Variants in TTLL9 observed in about 807,000 individuals in gnomAD.
The protein encoded by TTLL9 is tubulin tyrosine ligase like 9, also known as probable tubulin polyglutamylase TTLL9.
In TTLL9, 47 loss-of-function variants were observed where a neutral mutation model predicts 65.6. That is an observed-to-expected ratio of 0.72 (90% CI 0.57 to 0.91). TTLL9 has a LOEUF of 0.91. TTLL9 is among the 40% of genes least tolerant of loss of function. The pLI, the probability that TTLL9 is intolerant of heterozygous loss-of-function variation, is 0.00. For synonymous variants in TTLL9, 179 were observed against 204.8 expected (o/e 0.87, Z 1.07); for missense variants, 537 against 568.8 (o/e 0.94, Z 0.57).
intron 11 of TTLL9, 22 bp downstream of exon 11, chr20:31,933,880 A>G: frequency 6.2e-7 from 1 of 1,611,146 alleles, no homozygotes; most frequent in African/African-American, 1.3e-5. Context: ...GGGCTCGGCT[A>G]TGCACGGGTA....
At chr20:31,897,909 G>A (rs918310370) in intron 3 of TTLL9, among the ~76,000 whole-genome samples, 8 of 152,124 alleles carry the variant, frequency 5.3e-5, no homozygotes, top group East Asian at 3.8e-4. Context: ...TGCTTTTGTC[G>A]AAGCTTTTGT....
rs1423904180 is a variant in TTLL9 at position 31,929,721 on chromosome 20, A to AT, written c.748+3633dup. 2.6e-5 allele frequency among the ~76,000 whole-genome samples: 4 copies of AT among 152,252 alleles called. No individual in the cohort carries two copies. In the South Asian group the frequency reaches 8.3e-4, roughly 32 times the overall value. On this transcript the variant is annotated intron_variant, in intron 10 of 14. Transcript: ENST00000535842. ...GACACATAATGCTGCAAAGGAACAT[A>AT]TTTCTTCATAAACCTTTTACAGTAT...
intron 7 of TTLL9, among the ~76,000 whole-genome samples, chr20:31,920,257 ACACACACC>A (rs2063797559): frequency 6.7e-6 from 1 of 149,230 alleles, no homozygotes; most frequent in Admixed American, 6.7e-5. Flanking sequence ...ACACATTCTC[ACACACACC>A]CACACACCCA....
rs374865513 is a variant in TTLL9 at position 31,880,215 on chromosome 20, A to T, written c.70-6981A>T. On this transcript the variant is annotated intron_variant, in intron 2 of 14. Transcript: ENST00000535842. The stretch of plus-strand genomic sequence containing the variant: ...AGCTCCGTGACCCCAGGGGAAGTTG[A>T]ACCTCAGAATTTCAGATTTCCTGAC... 1.6e-3 allele frequency among the ~76,000 whole-genome samples: 248 copies of T among 152,220 alleles called. 3 individuals are homozygous for T. Among genetic ancestry groups the T allele is most frequent in the African/African-American group, 5.8e-3 (241 of 41,528 alleles).
chr20:31,898,956 G>A (rs1238180676), intron 4 of TTLL9, among the ~76,000 whole-genome samples: 1 of 152,194 alleles, frequency 6.6e-6, no homozygotes, highest in African/African-American at 2.4e-5. Flanking sequence ...CTCTTCCCTG[G>A]CCACTTGCTA....
rs1309053602 is a variant in TTLL9 at position 31,937,409 on chromosome 20, G to T, written c.1018G>T (p.Val340Phe). 5.0e-6 allele frequency: 8 copies of T among 1,613,652 alleles called. No individual in the cohort carries two copies. Among genetic ancestry groups the T allele is most frequent in the Non-Finnish European group, 5.9e-6 (7 of 1,179,748 alleles). ...CTCCCTTCCCAGGTGGCTCCTGGAG[G>T]TCAATGCGTCCCCATCACTGACAGC... ...DQDLKPWLLE[V>F]NASPSLTASS... is the part of the protein sequence containing the mutation. The change falls in exon 13 of 15, where the codon GTC (valine) becomes TTC (phenylalanine). Residue 340 changes from valine (V) to phenylalanine (F), a missense_variant. Coordinates refer to ENST00000535842, the MANE Select transcript of TTLL9 (RefSeq NM_001008409.5).
At chr20:31,895,237 G>A (rs1315384416) in intron 3 of TTLL9, among the ~76,000 whole-genome samples, 1 of 152,228 alleles carries the variant, frequency 6.6e-6, no homozygotes, top group Non-Finnish European at 1.5e-5. Flanking sequence ...GGCGCTAGCA[G>A]TGTTTTTTAT....
At chr20:31,907,830 C>T (rs2063581477) in intron 4 of TTLL9, among the ~76,000 whole-genome samples, 1 of 152,030 alleles carries the variant, frequency 6.6e-6, no homozygotes, top group African/African-American at 2.4e-5. Flanking sequence ...CAGGGATAGA[C>T]AGGGGGCTTC....
intron 3 of TTLL9, among the ~76,000 whole-genome samples, chr20:31,895,909 G>A (rs188606888): frequency 4.6e-5 from 7 of 151,192 alleles, no homozygotes; most frequent in Admixed American, 3.3e-4. Flanking sequence ...GCACAGTCTC[G>A]GCACACTGCA....
At chr20:31,890,719 C>CTGCA (rs2063297808) in intron 3 of TTLL9, among the ~76,000 whole-genome samples, 1 of 152,336 alleles carries the variant, frequency 6.6e-6, no homozygotes, top group Non-Finnish European at 1.5e-5. Flanking sequence ...GTAGAATGCA[C>CTGCA]TGCAGACTTA....
chr20:31,933,826 C>CA lies in TTLL9; in HGVS notation c.781dup (p.Thr261AsnfsTer56), dbSNP rs1244292754. The CA allele has an allele frequency of 6.2e-7, 1 of 1,614,040 alleles. No homozygotes were observed. Among genetic ancestry groups the CA allele is most frequent in the Non-Finnish European group, 8.5e-7 (1 of 1,179,960 alleles). On this transcript the variant is annotated frameshift_variant, in exon 11 of 15. Coordinates refer to ENST00000535842, the MANE Select transcript of TTLL9 (RefSeq NM_001008409.5). LOFTEE classifies it high-confidence loss of function. ...TGTTCACCTCACCAACGTGGCTGTG[C>CA]AAAAAACATCTCCCGACTACCACCC...
At chr20:31,905,456 A>C (rs895881561) in intron 4 of TTLL9, among the ~76,000 whole-genome samples, 1 of 152,152 alleles carries the variant, frequency 6.6e-6, no homozygotes, top group Non-Finnish European at 1.5e-5. Flanking sequence ...GCACAGCCAC[A>C]AGGGAGGTTT....
intron 10 of TTLL9, among the ~76,000 whole-genome samples, chr20:31,931,163 T>C (rs1239109451): frequency 7.0e-6 from 1 of 142,596 alleles, no homozygotes; most frequent in Non-Finnish European, 1.5e-5. Context: ...CACTACAGCC[T>C]CCATCTCCTG....
intron 14 of TTLL9, among the ~76,000 whole-genome samples, chr20:31,941,745 G>T (rs1469155367): frequency 6.6e-6 from 1 of 152,088 alleles, no homozygotes; most frequent in Non-Finnish European, 1.5e-5. Context: ...TTGTGTGTGT[G>T]ATTTTTTTCC....
intron 14 of TTLL9, among the ~76,000 whole-genome samples, chr20:31,941,904 T>G (rs2064217029): frequency 6.6e-6 from 1 of 152,024 alleles, no homozygotes; most frequent in African/African-American, 2.4e-5. Context: ...ATGAACTGAG[T>G]TAGGGAAGCG....
At chr20:31,928,049 T>G (rs954924830) in intron 10 of TTLL9, among the ~76,000 whole-genome samples, 6 of 79,222 alleles carry the variant, frequency 7.6e-5, no homozygotes, top group Middle Eastern at 5.8e-3. Flanking sequence ...TGCCACCTAC[T>G]TTTTTTTTTT....
At chr20:31,921,018 G>A (rs1265625437) in intron 7 of TTLL9, among the ~76,000 whole-genome samples, 1 of 152,194 alleles carries the variant, frequency 6.6e-6, no homozygotes, top group African/African-American at 2.4e-5. Context: ...CAATGTCCTC[G>A]GGGGCCCATG....
At chr20:31,881,326 C>T (rs2063115252) in intron 2 of TTLL9, among the ~76,000 whole-genome samples, 1 of 152,174 alleles carries the variant, frequency 6.6e-6, no homozygotes, top group Non-Finnish European at 1.5e-5. Context: ...CTTGTTCTTC[C>T]CTGTATCCCT....
intron 13 of TTLL9, among the ~76,000 whole-genome samples, chr20:31,937,767 T>C (rs2064138348): frequency 6.7e-6 from 1 of 149,110 alleles, no homozygotes; most frequent in African/African-American, 2.5e-5. Context: ...CGAAACCTCC[T>C]GACTGTGGGG....
Sources: allele counts gnomAD v4.1 joint callset (sites outside exome capture counted in the v4.1 genomes callset), GRCh38; gene constraint gnomAD v4.1.1; transcripts MANE v1.5; gene names NCBI Gene and HGNC (gene_info 2026-07-23, HGNC 2026-07-21).